TRPA1: variants seen among roughly 807,000 people sequenced by gnomAD.
The protein encoded by TRPA1 is transient receptor potential cation channel subfamily A member 1.
A neutral mutation model predicts 131.3 loss-of-function variants in TRPA1; 129 were observed. The observed-to-expected ratio is 0.98, with a 90% CI of 0.85 to 1.14. The LOEUF is 1.14. TRPA1 is among the 50% of genes most tolerant of loss of function. The pLI is 0.00. For synonymous variants in TRPA1, 441 were observed against 451.7 expected (o/e 0.98, Z 0.30); for missense variants, 1,304 against 1,354.2 (o/e 0.96, Z 0.58).
At position 72,059,444 on chromosome 8, in the gene TRPA1, AAAACAGAATTAT is replaced by A; in HGVS notation, c.945-18_945-7del. The stretch of plus-strand genomic sequence containing the variant: ...GGTGATCAAACAATGAAGCTCTGAA[AAAACAGAATTAT>A]AAACATTATAATTAAAGTACTATTG... On this transcript the variant is annotated splice_polypyrimidine_tract_variant and splice_region_variant and intron_variant, in intron 7 of 26. Transcript: ENST00000262209. 6.4e-7 allele frequency: 1 copy of A among 1,559,794 alleles called. No homozygotes were observed. Among genetic ancestry groups the A allele is most frequent in the Non-Finnish European group, 8.8e-7 (1 of 1,137,684 alleles).
rs780007119 is a variant in TRPA1, at chr8:72,023,085, G to A, written c.3181C>T (p.Gln1061Ter). ...LKDLTFLLEK[Q>*]HELIKLIIQK... ...ATGATCAGTTTAATGAGCTCATGCT[G>A]TTTTTCCAGGAGAAAAGTAAGATCC... The change falls in exon 27 of 27, where the codon CAG (glutamine) becomes TAG (stop). Residue 1061 changes from glutamine to a stop codon, truncating the protein, a stop_gained. Transcript: ENST00000262209. LOFTEE classifies it high-confidence loss of function. The A allele has an allele frequency of 5.0e-6, 8 of 1,613,402 alleles. No homozygotes were observed. In the South Asian group the frequency reaches 8.8e-5, roughly 18 times the overall value.
intron 10 of TRPA1, chr8:72,056,233 T>A (rs1287216504): frequency 3.6e-6 from 1 of 276,464 alleles, no homozygotes; most frequent in East Asian, 8.9e-5. Context: ...TGTTAATATG[T>A]TCTGTTAGGT....
At chr8:72,029,134 CA>C (rs1455766471) in intron 24 of TRPA1, among the ~76,000 whole-genome samples, 2 of 152,168 alleles carry the variant, frequency 1.3e-5, no homozygotes, top group African/African-American at 4.8e-5. Context: ...AATTTTACAT[CA>C]AATTGTCTAT....
chr8:72,039,609 A>G (rs565678461), intron 18 of TRPA1, 118 bp downstream of exon 18: 12 of 721,736 alleles, frequency 1.7e-5, no homozygotes, highest in Non-Finnish European at 2.6e-5. Context: ...TCAAAGTAAA[A>G]ACATTAAAAT....
At chr8:72,080,648 ATTTTT>A in the TRPA1 span, among the ~76,000 whole-genome samples, 1 of 151,452 alleles carries the variant, frequency 6.6e-6, no homozygotes. Context: ...TATTGGTATT[ATTTTT>A]TTTAAAGGTT....
intron 15 of TRPA1, among the ~76,000 whole-genome samples, chr8:72,050,167 C>T (rs6998643): frequency 0.1 from 15,789 of 151,984 alleles, 962 homozygotes; most frequent in African/African-American, 0.14. Context: ...TTGTTCAATT[C>T]CCACCTATGA....
At chr8:72,076,924 A>C (rs975541387), upstream of TRPA1, among the ~76,000 whole-genome samples, 5 of 152,104 alleles carry the variant, frequency 3.3e-5, no homozygotes, top group African/African-American at 1.2e-4. Flanking sequence ...CAGTTGCACA[A>C]CTTGCTATGA....
In TRPA1 at chr8:72,022,815, A is replaced by G. The variant is rs1307914976; in HGVS notation, c.*91T>C. The G allele has an allele frequency of 8.2e-7, 1 of 1,226,074 alleles. No individual in the cohort carries two copies. The highest frequency in any genetic ancestry group is 1.5e-5 in the African/African-American group (1 of 67,224). The allele number at this position is 1,226,074 out of a possible 1,614,324, so 75.9% of individuals were successfully genotyped here. A position where few individuals can be genotyped will look rare whatever the true frequency, so the allele number is the denominator to read the frequency against. ...GATTTCACACGCAGCAAAATGAATC[A>G]TTCTGCTTCTTCCTCACTCTTTTTA... is the stretch of plus-strand genomic sequence containing the variant. On this transcript the variant is annotated 3_prime_UTR_variant, in exon 27 of 27. Transcript: ENST00000262209.
intron 13 of TRPA1, 36 bp from the exon 14 acceptor site, chr8:72,052,801 C>T (rs1044080021): frequency 1.2e-5 from 19 of 1,610,532 alleles, no homozygotes; most frequent in Non-Finnish European, 1.6e-5. Flanking sequence ...AACGTGGTGA[C>T]AGTGTCTAAT....
chr8:72,069,176 A>C lies in TRPA1; in HGVS notation c.291T>G (p.Tyr97Ter). Residue 97 changes from tyrosine to a stop codon, truncating the protein, a stop_gained, in exon 3 of 27, where the codon TAT becomes TAG. Coordinates refer to ENST00000262209, the MANE Select transcript of TRPA1 (RefSeq NM_007332.3). LOFTEE classifies it high-confidence loss of function. ...CAGCACAATGCAGAGGGGTATTTCC[A>C]TAATCATCCATTTCATGCAGCACTA... is the stretch of plus-strand genomic sequence containing the variant. ...SLEVLHEMDDYGNTPLHCAVE... is the reference protein window; with the variant it reads ...SLEVLHEMDD 1 of 1,614,242 alleles carries C rather than the reference A, an allele frequency of 6.2e-7. No individual in the cohort carries two copies.
At chr8:72,060,520 C>T (rs1322573905) in intron 7 of TRPA1, 1 of 152,042 alleles carries the variant, frequency 6.6e-6, no homozygotes, top group African/African-American at 2.4e-5. Context: ...TTCATATCAC[C>T]AATCCTGGAT....
chr8:72,023,253 C>T (rs73312017), intron 26 of TRPA1, 137 bp from the exon 27 acceptor site: 2 of 758,654 alleles, frequency 2.6e-6, no homozygotes, highest in African/African-American at 3.6e-5. Context: ...TAGTCACAAT[C>T]CTTCCAGGAA....
At chr8:72,065,193 G>T (rs560609883) in intron 4 of TRPA1, among the ~76,000 whole-genome samples, 2 of 152,080 alleles carry the variant, frequency 1.3e-5, no homozygotes, top group East Asian at 3.9e-4. Flanking sequence ...AACTTTTCCT[G>T]CCTGTATTTT....
chr8:72,042,491 G>A (rs1444336323), intron 17 of TRPA1, among the ~76,000 whole-genome samples: 1 of 151,796 alleles, frequency 6.6e-6, no homozygotes, highest in Non-Finnish European at 1.5e-5. Context: ...CAGTCATTAT[G>A]GAAAACAGTA....
At chr8:72,053,007 AAGAG>A (rs57169742) in intron 13 of TRPA1, 28,034 of 230,758 alleles carry the variant, frequency 0.12, 1,899 homozygotes, top group Admixed American at 0.26. Flanking sequence ...GAGATAGAGA[AAGAG>A]AGAGAGAGAG....
At chr8:72,084,413 G>T in the TRPA1 span, among the ~76,000 whole-genome samples, 3 of 151,024 alleles carry the variant, frequency 2.0e-5, no homozygotes, top group African/African-American at 7.3e-5. Context: ...TAATTTGTAA[G>T]ATTTTTTTTA....
chr8:72,026,038 T>G lies in TRPA1; in HGVS notation c.2973A>C (p.Pro991=), dbSNP rs748589678. 6.2e-7 allele frequency: 1 copy of G among 1,614,010 alleles called. No individual in the cohort carries two copies. Among genetic ancestry groups the G allele is most frequent in the Admixed American group, 1.7e-5 (1 of 59,982 alleles). Reference sequence around the variant, plus strand: ...GATCCACTTTGCGTAGAAACCAAAGTGGCAGCTTCTTCTCTAAGCTGGTAT... The same window carrying G: ...GATCCACTTTGCGTAGAAACCAAAGGGGCAGCTTCTTCTCTAAGCTGGTAT... ...ELHTSLEKKL[P]LWFLRKVDQK... is the part of the protein sequence containing the mutation. The change falls in exon 25 of 27, where the codon CCA becomes CCC. Residue 991 remains proline, a synonymous_variant. Coordinates refer to ENST00000262209, the MANE Select transcript of TRPA1 (RefSeq NM_007332.3).
At position 72,057,740 on chromosome 8, in the gene TRPA1, A is replaced by G. The variant is rs552959707; in HGVS notation, c.1070T>C (p.Ile357Thr). The G allele has an allele frequency of 3.7e-6, 6 of 1,613,830 alleles. No individual in the cohort carries two copies. Among genetic ancestry groups the G allele is most frequent in the South Asian group, 3.3e-5 (3 of 91,076 alleles). Residue 357 changes from isoleucine (I) to threonine (T), a missense_variant, in exon 9 of 27, where the codon ATT (isoleucine) becomes ACT (threonine). Coordinates refer to ENST00000262209, the MANE Select transcript of TRPA1 (RefSeq NM_007332.3). ...ILATASASWN[I>T]VNLLLSKGAQ... ...ACCTTTAGAGAGTAGCAAATTTACAATATTCCAAGATGCAGAAGCAGTTGC... is the reference window on the plus strand; with the variant it reads ...ACCTTTAGAGAGTAGCAAATTTACAGTATTCCAAGATGCAGAAGCAGTTGC...
chr8:72,075,563 G>A lies in TRPA1; in HGVS notation c.-154C>T, dbSNP rs946485175. The A allele has an allele frequency of 5.9e-6, 4 of 673,608 alleles. No individual in the cohort carries two copies. The highest frequency in any genetic ancestry group is 5.3e-5 in the African/African-American group (3 of 56,188). The allele number at this position is 673,608 out of a possible 1,614,324, so 41.7% of individuals were successfully genotyped here. A position where few individuals can be genotyped will look rare whatever the true frequency, so the allele number is the denominator to read the frequency against. On this transcript the variant is annotated 5_prime_UTR_variant, in exon 1 of 27. Coordinates refer to ENST00000262209, the MANE Select transcript of TRPA1 (RefSeq NM_007332.3). ...ACAGGCAGCGAAAAAGTCGCTCTGC[G>A]GAAGCCCTGGAGAACTTCTGGAAGG...
Sources: gnomAD v4.1 joint callset for allele counts (sites outside exome capture counted in the v4.1 genomes callset) on GRCh38, gnomAD v4.1.1 for gene constraint, MANE v1.5 for transcripts, NCBI Gene and HGNC (gene_info 2026-07-23, HGNC 2026-07-21) for gene names.